Variants in NCOA1 observed in about 807,000 individuals in gnomAD.
The protein encoded by NCOA1 is nuclear receptor coactivator 1, also known as Hin-2 protein.
NCOA1 carries 35 observed loss-of-function variants against 150.9 expected under a neutral mutation model. The observed-to-expected ratio is 0.23, with a 90% CI of 0.18 to 0.31. NCOA1 has a LOEUF of 0.31. Among genes scored for constraint, NCOA1 ranks in the 10% least tolerant of loss-of-function variants. The pLI is 1.00. For synonymous variants in NCOA1, 590 were observed against 630.0 expected, an observed-to-expected ratio of 0.94 and a Z score of 0.95; for missense variants, 1,491 against 1,749.3, an observed-to-expected ratio of 0.85 and a Z score of 2.63.
intron 1 of NCOA1, among the ~76,000 whole-genome samples, chr2:24,534,952 A>G (rs1255039582): frequency 6.6e-6 from 1 of 152,182 alleles, no homozygotes; most frequent in Non-Finnish European, 1.5e-5. Context: ...AGTTCTGTAG[A>G]TGTCTATTAG....
intron 3 of NCOA1, among the ~76,000 whole-genome samples, chr2:24,625,832 T>G (rs1464913828): frequency 1.3e-5 from 2 of 152,122 alleles, no homozygotes; most frequent in Non-Finnish European, 2.9e-5. Flanking sequence ...CTAAATGTCT[T>G]ACTGTTACTG....
intron 3 of NCOA1, among the ~76,000 whole-genome samples, chr2:24,617,413 C>T: frequency 6.6e-6 from 1 of 152,050 alleles, no homozygotes. Context: ...CTTGTTCTTC[C>T]AGCTGTAACA....
intron 3 of NCOA1, among the ~76,000 whole-genome samples, chr2:24,597,337 A>T (rs1373683320): frequency 1.3e-5 from 2 of 152,350 alleles, no homozygotes; most frequent in East Asian, 3.9e-4. Flanking sequence ...CACACAGCAG[A>T]CATGCAAATA....
chr2:24,749,432 G>T (rs1463386918), intron 19 of NCOA1, among the ~76,000 whole-genome samples: 2 of 152,220 alleles, frequency 1.3e-5, no homozygotes, highest in Non-Finnish European at 2.9e-5. Flanking sequence ...GCGGGCATGC[G>T]TGTTTGTGTG....
At chr2:24,501,274 CCAT>C (rs1464650302) in intron 1 of NCOA1, among the ~76,000 whole-genome samples, 1 of 152,050 alleles carries the variant, frequency 6.6e-6, no homozygotes, top group Non-Finnish European at 1.5e-5. Context: ...GCTATGATAA[CCAT>C]TAAAACCAAA....
At chr2:24,733,278 A>G (rs1663112501) in intron 17 of NCOA1, among the ~76,000 whole-genome samples, 1 of 152,192 alleles carries the variant, frequency 6.6e-6, no homozygotes, top group South Asian at 2.1e-4. Context: ...CTTAAATCCT[A>G]TTAAATAACA....
rs1162282258 is a variant in NCOA1 at position 24,621,432 on chromosome 2, ATTTTTTTTTTTTT to A, written c.-174-22513_-174-22501del. ...TTGTGTTATGTGTGTATTCAGGCAG[ATTTTTTTTTTTTT>A]TTTTTTTTTTTTTTTTTTTTGAGAC... is the stretch of plus-strand genomic sequence containing the variant. On this transcript the variant is annotated intron_variant, in intron 3 of 22. Transcript: ENST00000348332. Among the ~76,000 whole-genome samples, 35 of 38,890 alleles carry A rather than the reference ATTTTTTTTTTTTT, an allele frequency of 9.0e-4. 1 individual carries two copies. Among genetic ancestry groups the A allele is most frequent in the Admixed American group, 2.9e-3 (6 of 2,058 alleles). 25.5% of individuals were successfully genotyped at this position (38,890 alleles called of 152,430 possible).
intron 1 of NCOA1, among the ~76,000 whole-genome samples, chr2:24,517,002 G>GTGTATATATA (rs1664225501): frequency 8.1e-4 from 21 of 25,780 alleles, no homozygotes; most frequent in Admixed American, 3.0e-3. Context: ...ATACACACGC[G>GTGTATATATA]CGCACACACA....
chr2:24,768,475 ATC>A lies in NCOA1; in HGVS notation c.*87_*88del. ...TATATATTTTTCTGAGATTTTTGAT[ATC>A]TCAATCTGCAGCCATTCTTCAGGTC... On this transcript the variant is annotated 3_prime_UTR_variant, in exon 23 of 23. Coordinates refer to ENST00000348332, the MANE Select transcript of NCOA1 (RefSeq NM_003743.5). 1 of 714,204 alleles carries A rather than the reference ATC, an allele frequency of 1.4e-6. No individual in the cohort carries two copies. Among genetic ancestry groups the A allele is most frequent in the Non-Finnish European group, 1.9e-6 (1 of 528,724 alleles). 44.2% of individuals were successfully genotyped at this position (714,204 alleles called of 1,614,324 possible).
chr2:24,649,002 C>G (rs920418), intron 4 of NCOA1, among the ~76,000 whole-genome samples: 78,577 of 151,904 alleles, frequency 0.52, 21,972 homozygotes, highest in Admixed American at 0.67. Flanking sequence ...GTTCTGGCTT[C>G]TAGCTGTTTT....
At chr2:24,506,721 A>G (rs908824447) in intron 1 of NCOA1, among the ~76,000 whole-genome samples, 1 of 152,180 alleles carries the variant, frequency 6.6e-6, no homozygotes, top group African/African-American at 2.4e-5. Flanking sequence ...TCTAGCAAGT[A>G]TGTATCCACA....
At chr2:24,523,605 C>CAAA (rs979559677) in intron 1 of NCOA1, among the ~76,000 whole-genome samples, 4,050 of 17,690 alleles carry the variant, frequency 0.23, 1,090 homozygotes, top group Non-Finnish European at 0.36. Context: ...GACTCCGTCT[C>CAAA]AAAAAAAAAA....
intron 6 of NCOA1, among the ~76,000 whole-genome samples, chr2:24,667,363 GA>G (rs55943317): frequency 0.027 from 4,182 of 152,094 alleles, 59 homozygotes; most frequent in African/African-American, 0.041. Context: ...ATCCTCAAAT[GA>G]AAAAATTCAT....
chr2:24,687,589 T>A (rs1186741455), intron 8 of NCOA1, among the ~76,000 whole-genome samples: 6 of 151,960 alleles, frequency 3.9e-5, no homozygotes, highest in Non-Finnish European at 8.8e-5. Context: ...AAACTTACAA[T>A]CATGAGAGAA....
chr2:24,696,779 C>CA (rs1553307880), intron 10 of NCOA1, among the ~76,000 whole-genome samples: 1 of 152,138 alleles, frequency 6.6e-6, no homozygotes, highest in East Asian at 1.9e-4. Context: ...GGGGTGGTGA[C>CA]AAGGGAGGAG....
At chr2:24,578,305 T>C (rs1348507417) in intron 2 of NCOA1, among the ~76,000 whole-genome samples, 1 of 152,136 alleles carries the variant, frequency 6.6e-6, no homozygotes, top group Non-Finnish European at 1.5e-5. Context: ...AATGTTATGG[T>C]TGACCTTTTT....
chr2:24,596,801 T>G (rs2148346877), intron 3 of NCOA1, among the ~76,000 whole-genome samples: 1 of 152,304 alleles, frequency 6.6e-6, no homozygotes, highest in South Asian at 2.1e-4. Flanking sequence ...TTCAAAGAGT[T>G]AAAGACTTAC....
chr2:24,575,269 A>AT (rs969633177), intron 2 of NCOA1, among the ~76,000 whole-genome samples: 9 of 151,912 alleles, frequency 5.9e-5, no homozygotes, highest in African/African-American at 2.2e-4. Context: ...TATGCAGTGT[A>AT]TTTTTCATTT....
chr2:24,710,509 T>G (rs1572626426), intron 13 of NCOA1, among the ~76,000 whole-genome samples: 1 of 152,350 alleles, frequency 6.6e-6, no homozygotes, highest in East Asian at 1.9e-4. Flanking sequence ...TTTTTTAAAT[T>G]ATAAAATAGT....
Sources: gnomAD v4.1 joint callset for allele counts (sites outside exome capture counted in the v4.1 genomes callset) on GRCh38, gnomAD v4.1.1 for gene constraint, MANE v1.5 for transcripts, NCBI Gene and HGNC (gene_info 2026-07-23, HGNC 2026-07-21) for gene names.